Variants in PAK5 observed in about 807,000 individuals in gnomAD.
The protein encoded by PAK5 is p21 (RAC1) activated kinase 5, also known as serine/threonine-protein kinase PAK 5.
In PAK5, 16 loss-of-function variants were observed where a neutral mutation model predicts 65.9. The ratio of observed to expected loss-of-function variants is 0.24; its 90% CI spans 0.16 to 0.37. The LOEUF (loss-of-function observed/expected upper bound fraction) is 0.37, where lower values mean the gene tolerates loss of function less well. PAK5 is among the 10% of genes least tolerant of loss of function. The pLI, the probability that PAK5 is intolerant of heterozygous loss-of-function variation, is 1.00. For synonymous variants in PAK5, 371 were observed against 354.9 expected, an observed-to-expected ratio of 1.05 and a Z score of -0.51; for missense variants, 785 against 903.9, an observed-to-expected ratio of 0.87 and a Z score of 1.69.
At chr20:9,626,645 A>C (rs530301859) in intron 3 of PAK5, among the ~76,000 whole-genome samples, 2 of 152,384 alleles carry the variant, frequency 1.3e-5, no homozygotes, top group Non-Finnish European at 2.9e-5. Context: ...GGTGTCCAGC[A>C]GGCCTGCACA....
At chr20:9,677,135 C>CT (rs34240062) in intron 2 of PAK5, among the ~76,000 whole-genome samples, 1 of 151,110 alleles carries the variant, frequency 6.6e-6, no homozygotes, top group Non-Finnish European at 1.5e-5. Context: ...AAAGGAATGT[C>CT]TTTTTTAAAA....
chr20:9,605,013 TGAG>T (rs2046427029), intron 3 of PAK5, among the ~76,000 whole-genome samples: 1 of 152,168 alleles, frequency 6.6e-6, no homozygotes, highest in South Asian at 2.1e-4. Context: ...TCTTTATTTG[TGAG>T]GAGATTCCAG....
chr20:9,580,727 A>G lies in PAK5; in HGVS notation c.408T>C (p.Asp136=). 2.5e-6 allele frequency: 4 copies of G among 1,613,994 alleles called. No individual in the cohort carries two copies. Among genetic ancestry groups the G allele is most frequent in the Non-Finnish European group, 3.4e-6 (4 of 1,179,956 alleles). The change falls in exon 4 of 10, where the codon GAT becomes GAC. Residue 136 remains aspartate (D), a synonymous_variant. Transcript: ENST00000353224. ...TTTCGGTCGTGTAGTCAGCAGTAGT[A>G]TCGGATTCGCTGGAATACTGGGAGA... ...ITFSQYSSES[D]TTADYTTEKY... is the part of the protein sequence containing the mutation.
chr20:9,769,681 C>CTAGAGAGCACATCTAAGG (rs1306534888), intron 1 of PAK5, among the ~76,000 whole-genome samples: 1 of 152,186 alleles, frequency 6.6e-6, no homozygotes, highest in Admixed American at 6.5e-5. Context: ...CAGCTATGGG[C>CTAGAGAGCACATCTAAGG]TAGAGAGCAC....
chr20:9,739,719 C>T (rs1437935729), intron 1 of PAK5, among the ~76,000 whole-genome samples: 1 of 151,932 alleles, frequency 6.6e-6, no homozygotes, highest in Non-Finnish European at 1.5e-5. Context: ...AATAATTTTC[C>T]AAGCATAATT....
intron 2 of PAK5, among the ~76,000 whole-genome samples, chr20:9,666,516 G>A (rs896675701): frequency 7.3e-5 from 11 of 151,688 alleles, no homozygotes; most frequent in African/African-American, 2.7e-4. Context: ...TACTACCGTG[G>A]AGACAAGTTC....
At chr20:9,615,279 A>C (rs1167382219) in intron 3 of PAK5, among the ~76,000 whole-genome samples, 1 of 152,202 alleles carries the variant, frequency 6.6e-6, no homozygotes, top group Non-Finnish European at 1.5e-5. Flanking sequence ...AAACCCATAG[A>C]ATGTGCAAAT....
At chr20:9,695,700 AACTACT>A (rs2047859715) in intron 2 of PAK5, among the ~76,000 whole-genome samples, 1 of 152,080 alleles carries the variant, frequency 6.6e-6, no homozygotes. Flanking sequence ...TTATCTCATT[AACTACT>A]ACTCAAAACA....
intron 2 of PAK5, among the ~76,000 whole-genome samples, chr20:9,674,257 C>T (rs893028237): frequency 6.6e-6 from 1 of 151,134 alleles, no homozygotes; most frequent in Non-Finnish European, 1.5e-5. Flanking sequence ...AATGACTCCT[C>T]ACCCTTTTTT....
intron 1 of PAK5, among the ~76,000 whole-genome samples, chr20:9,806,725 T>G (rs935520320): frequency 2.0e-5 from 3 of 152,200 alleles, no homozygotes; most frequent in African/African-American, 7.2e-5. Context: ...TAAGAGAACC[T>G]AGCATGACTG....
chr20:9,774,697 C>A (rs1051763788), intron 1 of PAK5, among the ~76,000 whole-genome samples: 1 of 152,048 alleles, frequency 6.6e-6, no homozygotes, highest in East Asian at 1.9e-4. Flanking sequence ...ACTAGAGGAG[C>A]TGACGGACGA....
intron 1 of PAK5, among the ~76,000 whole-genome samples, chr20:9,807,495 T>G (rs2049246815): frequency 6.6e-6 from 1 of 151,932 alleles, no homozygotes; most frequent in Non-Finnish European, 1.5e-5. Context: ...TGTGACCCAA[T>G]CCCACTAATA....
At chr20:9,730,013 A>G (rs1464396486) in intron 1 of PAK5, among the ~76,000 whole-genome samples, 12 of 131,368 alleles carry the variant, frequency 9.1e-5, no homozygotes, top group South Asian at 2.4e-4. Context: ...AAAAAAAAAA[A>G]AGAGAGAGAG....
At chr20:9,589,701 A>G (rs7347669) in intron 3 of PAK5, among the ~76,000 whole-genome samples, 72,383 of 152,026 alleles carry the variant, frequency 0.48, 20,592 homozygotes, top group African/African-American at 0.81. Context: ...ATGGAGTTTC[A>G]CCTTTGTTGC....
chr20:9,817,610 T>G (rs2049372572), intron 1 of PAK5, among the ~76,000 whole-genome samples: 1 of 152,138 alleles, frequency 6.6e-6, no homozygotes. Flanking sequence ...CAGAGTCACA[T>G]TTTGGATGGA....
chr20:9,558,198 C>A (rs571021635), intron 6 of PAK5, among the ~76,000 whole-genome samples: 2 of 151,972 alleles, frequency 1.3e-5, no homozygotes, highest in African/African-American at 4.8e-5. Context: ...GCAACCACCA[C>A]CTCCTGGGTC....
At chr20:9,560,731 A>T (rs2045578337) in intron 6 of PAK5, among the ~76,000 whole-genome samples, 1 of 152,222 alleles carries the variant, frequency 6.6e-6, no homozygotes, top group South Asian at 2.1e-4. Context: ...TCTGCCTCAT[A>T]GAAATATGTG....
At chr20:9,587,939 T>C (rs1288932218) in intron 3 of PAK5, among the ~76,000 whole-genome samples, 6 of 152,226 alleles carry the variant, frequency 3.9e-5, no homozygotes, top group Non-Finnish European at 8.8e-5. Flanking sequence ...AAATGTACTA[T>C]ATGTATTGTA....
chr20:9,577,038 C>T (rs1055848621), intron 4 of PAK5, among the ~76,000 whole-genome samples: 1 of 152,230 alleles, frequency 6.6e-6, no homozygotes, highest in Non-Finnish European at 1.5e-5. Context: ...ATTTCTCCAG[C>T]TAGCTTCCTT....
Sources: gnomAD v4.1 joint callset for allele counts (sites outside exome capture counted in the v4.1 genomes callset) on GRCh38, gnomAD v4.1.1 for gene constraint, MANE v1.5 for transcripts, NCBI Gene and HGNC (gene_info 2026-07-23, HGNC 2026-07-21) for gene names.